FBP2: variants seen among roughly 807,000 people sequenced by gnomAD.
FBP2 encodes fructose-bisphosphatase 2.
A neutral mutation model predicts 31.6 loss-of-function variants in FBP2; 27 were observed. That is an observed-to-expected ratio of 0.85 (90% CI 0.63 to 1.18). The LOEUF (loss-of-function observed/expected upper bound fraction) is 1.18, where lower values mean the gene tolerates loss of function less well. Among genes scored for constraint, FBP2 ranks in the 50% most tolerant of loss-of-function variants. The probability of loss-of-function intolerance (pLI) is 0.00; values close to 1 mark genes in which losing one functional copy is unlikely to be tolerated. For missense variants in FBP2, 421 were observed against 436.1 expected, an observed-to-expected ratio of 0.97 and a Z score of 0.31; for synonymous variants, 168 against 179.8, an observed-to-expected ratio of 0.93 and a Z score of 0.53.
rs754094174 is a variant in FBP2 at position 94,587,409 on chromosome 9, T to C, written c.231A>G (p.Leu77=). 3 of 1,613,940 alleles carry C rather than the reference T, an allele frequency of 1.9e-6. No homozygotes were observed. Among genetic ancestry groups the C allele is most frequent in the Non-Finnish European group, 2.5e-6 (3 of 1,179,956 alleles). ...TGDEVKKLDV[L]SNSLVINMVQ... ...CCATGTTGATCACCAGGGAATTGGA[T>C]AGCACATCCAGTTTCTTCACCTCAT... Residue 77 remains leucine (L), a synonymous_variant, in exon 2 of 7, where the codon CTA becomes CTG. Transcript: ENST00000375337.
chr9:94,558,901 C>T lies in FBP2; in HGVS notation c.*37G>A. 1.9e-6 allele frequency: 3 copies of T among 1,598,304 alleles called. No homozygotes were observed. The highest frequency in any genetic ancestry group is 2.6e-6 in the Non-Finnish European group (3 of 1,165,764). ...TCATTTAGGGTCCTTAGACAAGGTG[C>T]AAGACAAACAGAAGAGGGCATGTGG... On this transcript the variant is annotated 3_prime_UTR_variant, in exon 7 of 7. Transcript: ENST00000375337.
intron 4 of FBP2, chr9:94,570,772 G>C (rs141958256): frequency 8.5e-5 from 13 of 152,268 alleles, no homozygotes; most frequent in African/African-American, 2.9e-4. Flanking sequence ...TTAACTCCAT[G>C]TCATTTTGAA....
rs769197968 is a variant in FBP2 at position 94,593,659 on chromosome 9, C to A, written c.68G>T (p.Arg23Leu). Residue 23 changes from arginine (R) to leucine (L), a missense_variant, in exon 1 of 7, where the codon CGT becomes CTT. Transcript: ENST00000375337. ...TLTRYVMEKG[R>L]QAKGTGELTQ... ...GAGCTCCCCAGTCCCTTTGGCCTGA[C>A]GCCCCTTTTCCATAACGTAGCGGGT... 6.8e-6 allele frequency: 11 copies of A among 1,614,232 alleles called. No individual in the cohort carries two copies. The highest frequency in any genetic ancestry group is 8.5e-6 in the Non-Finnish European group (10 of 1,180,034).
chr9:94,570,435 TATCTC>T (rs1362880457), intron 4 of FBP2: 2 of 152,230 alleles, frequency 1.3e-5, no homozygotes, highest in South Asian at 2.1e-4. Context: ...TTGTAGGACA[TATCTC>T]ATAGGGCCAC....
chr9:94,559,011 G>A lies in FBP2; in HGVS notation c.947C>T (p.Pro316Leu), dbSNP rs1244760639. Residue 316 changes from proline (P) to leucine (L), a missense_variant, in exon 7 of 7, where the codon CCC (proline) becomes CTC (leucine). Physicochemically the swap from Pro to Leu is moderately conservative, Grantham distance 98. Transcript: ENST00000375337. ...ATCCTCTGGTGACCCCAGAATGAGG[G>A]GGACTCGCTGGTGAATTGCCTCGGG... ...VKPEAIHQRVPLILGSPEDVQ... is the reference protein window; with the variant it reads ...VKPEAIHQRVLLILGSPEDVQ... 1 of 1,614,102 alleles carries A rather than the reference G, an allele frequency of 6.2e-7. No individual in the cohort carries two copies. The highest frequency in any genetic ancestry group is 1.7e-5 in the Admixed American group (1 of 60,022).
At chr9:94,583,002 C>T (rs1007710733) in intron 3 of FBP2, among the ~76,000 whole-genome samples, 3 of 151,732 alleles carry the variant, frequency 2.0e-5, no homozygotes, top group African/African-American at 7.3e-5. Flanking sequence ...TATAGGCGCC[C>T]GCCACTATGC....
chr9:94,573,953 G>T (rs980967717), intron 3 of FBP2, among the ~76,000 whole-genome samples: 8 of 152,044 alleles, frequency 5.3e-5, no homozygotes, highest in African/African-American at 1.9e-4. Context: ...CTTTTCTTGG[G>T]CATGAGTTTC....
intron 5 of FBP2, 93 bp from the exon 6 acceptor site, chr9:94,563,554 G>A (rs1827141434): frequency 7.1e-7 from 1 of 1,412,998 alleles, no homozygotes; most frequent in South Asian, 1.3e-5. Flanking sequence ...TGTGACCTCT[G>A]CCTTCTTGAA....
chr9:94,571,631 G>A (rs1827271529), intron 3 of FBP2, 29 bp from the exon 4 acceptor site: 1 of 1,592,026 alleles, frequency 6.3e-7, no homozygotes, highest in African/African-American at 1.3e-5. Context: ...AATGCCATGT[G>A]TTATTGTTGT....
At chr9:94,576,711 C>T in intron 3 of FBP2, 1 of 149,246 alleles carries the variant, frequency 6.7e-6, no homozygotes, top group East Asian at 1.9e-4. Context: ...AACTTTGAAA[C>T]TTCGGAACTT....
At position 94,571,588 on chromosome 9, in the gene FBP2, CTCA is replaced by C; in HGVS notation, c.438_440del (p.Asp146del). 1 of 1,613,214 alleles carries C rather than the reference CTCA, an allele frequency of 6.2e-7. No individual in the cohort carries two copies. On this transcript the variant is annotated inframe_deletion, in exon 4 of 7. Transcript: ENST00000375337. ...ACTGCAGGGCATCCTTTTCAGAAGG[CTCA>C]TCCTCTGAGGTCTGTGGAAGAGAGG...
rs747429104 is a variant in FBP2, at chr9:94,571,605, G to A, written c.427-3C>T. ...TCAGAAGGCTCATCCTCTGAGGTCT[G>A]TGGAAGAGAGGGATAAATGCCATGT... On this transcript the variant is annotated splice_region_variant and splice_polypyrimidine_tract_variant and intron_variant, in intron 3 of 6. Transcript: ENST00000375337. The A allele has an allele frequency of 6.2e-7, 1 of 1,609,876 alleles. No homozygotes were observed. The highest frequency in any genetic ancestry group is 8.5e-7 in the Non-Finnish European group (1 of 1,177,810).
chr9:94,591,916 T>C (rs1268261195), intron 1 of FBP2, among the ~76,000 whole-genome samples: 2 of 152,204 alleles, frequency 1.3e-5, no homozygotes, highest in African/African-American at 4.8e-5. Context: ...CTTTGTCTCC[T>C]TGCTCAACCG....
chr9:94,564,932 G>A (rs1339927090), intron 5 of FBP2, among the ~76,000 whole-genome samples: 3 of 152,074 alleles, frequency 2.0e-5, no homozygotes, highest in East Asian at 1.9e-4. Context: ...GCTAGAAGGA[G>A]GATATTGAAT....
chr9:94,559,414 G>C (rs749893935), intron 6 of FBP2, among the ~76,000 whole-genome samples: 1 of 152,170 alleles, frequency 6.6e-6, no homozygotes, highest in Non-Finnish European at 1.5e-5. Context: ...CCTGCCTCTT[G>C]ACTTGGAAAT....
chr9:94,589,719 A>ACCCCCACCTCACC (rs1276731599), intron 1 of FBP2, among the ~76,000 whole-genome samples: 6 of 148,398 alleles, frequency 4.0e-5, no homozygotes, highest in Non-Finnish European at 8.9e-5. Flanking sequence ...CCTGAACAGC[A>ACCCCCACCTCACC]CCCCCACCTC....
chr9:94,572,384 A>G (rs1005239184), intron 3 of FBP2, among the ~76,000 whole-genome samples: 5 of 152,126 alleles, frequency 3.3e-5, no homozygotes, highest in African/African-American at 4.8e-5. Context: ...TAGTGATTCA[A>G]ACTGGCCCAA....
intron 3 of FBP2, chr9:94,576,481 G>A (rs528227109): frequency 1.9e-4 from 29 of 152,410 alleles, no homozygotes; most frequent in African/African-American, 6.7e-4. Flanking sequence ...CCATGGTCTG[G>A]TTTCTATTGG....
intron 3 of FBP2, among the ~76,000 whole-genome samples, chr9:94,575,450 T>C (rs1229292971): frequency 2.0e-5 from 3 of 152,264 alleles, no homozygotes; most frequent in African/African-American, 7.2e-5. Context: ...TATGTTGTTA[T>C]ACATAGCAGT....
Sources: gnomAD v4.1 joint callset for allele counts (sites outside exome capture counted in the v4.1 genomes callset) on GRCh38, gnomAD v4.1.1 for gene constraint, MANE v1.5 for transcripts, NCBI Gene and HGNC (gene_info 2026-07-23, HGNC 2026-07-21) for gene names.